AMPH: variants seen among roughly 807,000 people sequenced by gnomAD.
The protein encoded by AMPH is amphiphysin (Stiff-Mann syndrome with breast cancer 128kD autoantigen).
A neutral mutation model predicts 99.1 loss-of-function variants in AMPH; 49 were observed. The observed-to-expected ratio is 0.49, with a 90% confidence interval of 0.39 to 0.63. AMPH has a LOEUF of 0.63. Ranked by LOEUF, AMPH falls within the 20% of genes least tolerant of loss-of-function variation. AMPH has a pLI of 0.00. For missense variants in AMPH, 759 were observed against 863.4 expected (o/e 0.88, Z 1.52); for synonymous variants, 314 against 317.3 (o/e 0.99, Z 0.11).
At chr7:38,618,365 A>G (rs1173305881) in intron 1 of AMPH, among the ~76,000 whole-genome samples, 1 of 151,444 alleles carries the variant, frequency 6.6e-6, no homozygotes, top group African/African-American at 2.4e-5. Flanking sequence ...AAAAAAAATT[A>G]GCCACGCGTG....
intron 17 of AMPH, among the ~76,000 whole-genome samples, chr7:38,415,374 G>T (rs1454418373): frequency 1.3e-5 from 2 of 152,120 alleles, no homozygotes; most frequent in East Asian, 3.9e-4. Flanking sequence ...ACCTCAAAAG[G>T]TCATGTCAAC....
Position 38,429,884 on chromosome 7 carries a change from T to C in AMPH, c.1159-19A>G, listed in dbSNP as rs774285788. On this transcript the variant is annotated intron_variant, in intron 13 of 20. Coordinates refer to ENST00000356264, the MANE Select transcript of AMPH (RefSeq NM_001635.4). ...TGCTTGTCTGTATGGGTAAAGAAAA[T>C]AGTAACAATAAGGCGAGAGAGAAAA... is the stretch of plus-strand genomic sequence containing the variant. The C allele has an allele frequency of 3.1e-5, 50 of 1,600,248 alleles. No homozygotes were observed. Among genetic ancestry groups the C allele is most frequent in the Non-Finnish European group, 3.6e-5 (42 of 1,174,886 alleles).
At chr7:38,560,515 G>T (rs932375291) in intron 1 of AMPH, among the ~76,000 whole-genome samples, 1 of 152,180 alleles carries the variant, frequency 6.6e-6, no homozygotes, top group Admixed American at 6.5e-5. Flanking sequence ...CAAGCTAGCT[G>T]GCACAAGAAT....
intron 2 of AMPH, chr7:38,531,450 G>A (rs914043868): frequency 5.3e-5 from 8 of 152,154 alleles, no homozygotes; most frequent in African/African-American, 1.9e-4. Flanking sequence ...GATGCTCTCA[G>A]TCTCACACAA....
At chr7:38,619,104 A>C (rs950608945) in intron 1 of AMPH, among the ~76,000 whole-genome samples, 3 of 152,180 alleles carry the variant, frequency 2.0e-5, no homozygotes, top group Non-Finnish European at 4.4e-5. Flanking sequence ...AGGCAGGAGG[A>C]TTGCTTGAGT....
intron 11 of AMPH, among the ~76,000 whole-genome samples, chr7:38,446,462 A>G (rs1348961705): frequency 6.8e-6 from 1 of 147,982 alleles, no homozygotes; most frequent in East Asian, 2.4e-4. Flanking sequence ...ATACTACTCA[A>G]TAAGGAGGAA....
intron 1 of AMPH, among the ~76,000 whole-genome samples, chr7:38,589,621 C>T (rs1792782080): frequency 6.6e-6 from 1 of 152,196 alleles, no homozygotes; most frequent in Admixed American, 6.5e-5. Context: ...TTGTAGAATA[C>T]TGTTTCTGCC....
chr7:38,531,052 CT>C (rs1409947030), intron 2 of AMPH: 1 of 152,082 alleles, frequency 6.6e-6, no homozygotes, highest in Non-Finnish European at 1.5e-5. Context: ...GAAATGAGGT[CT>C]CACTGTGTTG....
chr7:38,413,975 G>A (rs1385939825), intron 17 of AMPH, among the ~76,000 whole-genome samples: 2 of 152,188 alleles, frequency 1.3e-5, no homozygotes, highest in African/African-American at 2.4e-5. Context: ...TCTGTGTAAC[G>A]TGCATCTCAA....
At chr7:38,624,826 T>C (rs970476982) in intron 1 of AMPH, among the ~76,000 whole-genome samples, 1 of 151,864 alleles carries the variant, frequency 6.6e-6, no homozygotes, top group Non-Finnish European at 1.5e-5. Context: ...TAAAAAATTA[T>C]GAACATACAA....
chr7:38,402,887 T>C, intron 17 of AMPH, among the ~76,000 whole-genome samples: 1 of 152,250 alleles, frequency 6.6e-6, no homozygotes, highest in Middle Eastern at 3.2e-3. Flanking sequence ...CTGGGTTTTT[T>C]CTTTAAGAGT....
chr7:38,461,200 G>T, intron 11 of AMPH, 83 bp downstream of exon 11: 1 of 1,514,242 alleles, frequency 6.6e-7, no homozygotes, highest in African/African-American at 1.4e-5. Context: ...TTCTGGAACC[G>T]CCACTTTCTT....
Position 38,384,908 on chromosome 7 carries a change from C to T in AMPH, c.1998G>A (p.Val666=), listed in dbSNP as rs1784309597. 1 of 1,613,610 alleles carries T rather than the reference C, an allele frequency of 6.2e-7. No homozygotes were observed. Residue 666 remains valine, a synonymous_variant, in exon 21 of 21, where the codon GTG becomes GTA. Coordinates refer to ENST00000356264, the MANE Select transcript of AMPH (RefSeq NM_001635.4). ...SEADQDAGWL[V]GVKESDWLQY... is the part of the protein sequence containing the mutation. The stretch of plus-strand genomic sequence containing the variant: ...GAAGCCAGTCTGATTCCTTCACTCC[C>T]ACCAGCCAGCCTGCATCCTGAAAAA...
intron 3 of AMPH, among the ~76,000 whole-genome samples, chr7:38,498,528 T>G (rs530867946): frequency 2.2e-3 from 331 of 152,096 alleles, no homozygotes; most frequent in African/African-American, 7.5e-3. Flanking sequence ...TACTAATAAA[T>G]AAACCTGCCA....
intron 2 of AMPH, among the ~76,000 whole-genome samples, chr7:38,528,509 G>T (rs1435838732): frequency 6.6e-6 from 1 of 152,134 alleles, no homozygotes; most frequent in South Asian, 2.1e-4. Context: ...TGTCAAATCT[G>T]TAAGTATAAA....
At chr7:38,595,945 A>G (rs1793039501) in intron 1 of AMPH, among the ~76,000 whole-genome samples, 1 of 152,202 alleles carries the variant, frequency 6.6e-6, no homozygotes, top group South Asian at 2.1e-4. Context: ...TCTGTACCAC[A>G]TTTATCCAAT....
intron 1 of AMPH, among the ~76,000 whole-genome samples, chr7:38,620,548 T>TACAC (rs201765719): frequency 0.018 from 2,400 of 133,112 alleles, 27 homozygotes; most frequent in Middle Eastern, 0.066. Flanking sequence ...TATACATACA[T>TACAC]ACACACACAC....
intron 10 of AMPH, among the ~76,000 whole-genome samples, 183 bp downstream of exon 10, chr7:38,462,792 A>G (rs1787500275): frequency 1.3e-5 from 2 of 152,202 alleles, no homozygotes; most frequent in South Asian, 4.1e-4. Flanking sequence ...GTGAGGAAAT[A>G]TCAAGTCAAA....
At chr7:38,596,062 A>G (rs1254545411) in intron 1 of AMPH, among the ~76,000 whole-genome samples, 2 of 152,046 alleles carry the variant, frequency 1.3e-5, no homozygotes, top group Non-Finnish European at 2.9e-5. Context: ...ATTTATTTTC[A>G]CTGGGGTATA....
Sources: allele counts gnomAD v4.1 joint callset (sites outside exome capture counted in the v4.1 genomes callset), GRCh38; gene constraint gnomAD v4.1.1; transcripts MANE v1.5; gene names NCBI Gene and HGNC (gene_info 2026-07-23, HGNC 2026-07-21).